The following RBPJ variants were observed in gnomAD, a reference collection of about 807,000 sequenced individuals.
The protein encoded by RBPJ is recombining binding protein suppressor of hairless.
A neutral mutation model predicts 67.8 loss-of-function variants in RBPJ; 9 were observed. The ratio of observed to expected loss-of-function variants is 0.13; its 90% CI spans 0.08 to 0.23. RBPJ has a LOEUF of 0.23. Among genes scored for constraint, RBPJ ranks in the 10% least tolerant of loss-of-function variants. The pLI is 1.00. For missense variants in RBPJ, 305 were observed against 595.6 expected, an observed-to-expected ratio of 0.51 and a Z score of 5.08; for synonymous variants, 198 against 203.3, an observed-to-expected ratio of 0.97 and a Z score of 0.22.
At chr4:26,195,745 C>A (rs542460237) in intron 1 of RBPJ, among the ~76,000 whole-genome samples, 8 of 151,498 alleles carry the variant, frequency 5.3e-5, no homozygotes, top group African/African-American at 1.7e-4. Flanking sequence ...CAGGCGCCCA[C>A]CACTACACCC....
upstream of RBPJ, among the ~76,000 whole-genome samples, chr4:26,318,688 G>A (rs1360403836): frequency 6.6e-6 from 1 of 152,002 alleles, no homozygotes. Context: ...AGGGCCAGCG[G>A]GTAGATTAGA....
At chr4:26,169,026 G>A (rs1716438297) in intron 1 of RBPJ, among the ~76,000 whole-genome samples, 1 of 152,160 alleles carries the variant, frequency 6.6e-6, no homozygotes, top group South Asian at 2.1e-4. Context: ...ATTTCCTCCT[G>A]TAGCTCGGAG....
intron 1 of RBPJ, among the ~76,000 whole-genome samples, chr4:26,329,508 T>C (rs1481073918): frequency 6.6e-6 from 1 of 152,184 alleles, no homozygotes; most frequent in African/African-American, 2.4e-5. Flanking sequence ...GCTATGAGCA[T>C]TTCACTTAAG....
intron 1 of RBPJ, among the ~76,000 whole-genome samples, chr4:26,245,203 A>ATTTTTTTTTT (rs869234645): frequency 1.0e-5 from 1 of 98,402 alleles, no homozygotes; most frequent in Non-Finnish European, 2.0e-5. Context: ...TCACTATTGT[A>ATTTTTTTTTT]TTTTTTTTTT....
At chr4:26,411,549 A>G (rs1039545302) in intron 3 of RBPJ, among the ~76,000 whole-genome samples, 17 of 141,896 alleles carry the variant, frequency 1.2e-4, no homozygotes, top group African/African-American at 4.2e-4. Flanking sequence ...TACTTCCATC[A>G]TGGCTTTTTG....
rs35148704 is a variant in RBPJ, at chr4:26,236,519, C to G, written c.-167+72905C>G. Among the ~76,000 whole-genome samples, 586 of 152,326 alleles carry G rather than the reference C, an allele frequency of 3.8e-3. 2 individuals carry two copies. Among genetic ancestry groups the G allele is most frequent in the Non-Finnish European group, 6.8e-3 (464 of 68,026 alleles). On this transcript the variant is annotated intron_variant, in intron 1 of 4. Coordinates refer to the RBPJ transcript ENST00000512351. ...GTGGAACCACTTCCAAGGTGGGGCA[C>G]TCACATTGGCTGACAAATTAGTTCC...
chr4:26,330,670 C>G (rs1480662431), intron 1 of RBPJ, among the ~76,000 whole-genome samples: 1 of 152,138 alleles, frequency 6.6e-6, no homozygotes, highest in Non-Finnish European at 1.5e-5. Flanking sequence ...TCTCAATGTG[C>G]TTAAAGTGAG....
chr4:26,278,734 T>G (rs1721160458), intron 1 of RBPJ, among the ~76,000 whole-genome samples: 1 of 149,626 alleles, frequency 6.7e-6, no homozygotes, highest in African/African-American at 2.6e-5. Context: ...TTTACAAGTC[T>G]TTATAATTTT....
Position 26,266,414 on chromosome 4 carries a change from A to G in RBPJ, c.-166-96032A>G, listed in dbSNP as rs192568802. Among the ~76,000 whole-genome samples the G allele has an allele frequency of 1.3e-3, 203 of 152,338 alleles. 2 individuals carry two copies. The highest frequency in any genetic ancestry group is 7.2e-4 in the Non-Finnish European group (49 of 68,026). ...TATTAATACATGCTAGGTTTGATGAATAAGTAGACTGTTATGGAGAAATAG... is the reference window on the plus strand; with the variant it reads ...TATTAATACATGCTAGGTTTGATGAGTAAGTAGACTGTTATGGAGAAATAG... On this transcript the variant is annotated intron_variant, in intron 1 of 4. Coordinates refer to the RBPJ transcript ENST00000512351.
chr4:26,266,786 G>C (rs900089802), intron 1 of RBPJ, among the ~76,000 whole-genome samples: 4 of 152,170 alleles, frequency 2.6e-5, no homozygotes, highest in Admixed American at 2.0e-4. Context: ...ATTTAGGAGA[G>C]AGCTGGGTTC....
chr4:26,263,909 C>T (rs1402571585), intron 1 of RBPJ, among the ~76,000 whole-genome samples: 2 of 148,136 alleles, frequency 1.4e-5, no homozygotes, highest in African/African-American at 5.0e-5. Context: ...GAGTCTCGCT[C>T]TGTCCCCCAG....
rs748837458 is a variant in RBPJ, at chr4:26,434,742, G to T, written c.*3735G>T. ...GCTCTACGCATTCAGTCCTTAAGGG[G>T]TTTATTTTACAAACTGTGCGCCTGT... On this transcript the variant is annotated 3_prime_UTR_variant, in exon 11 of 11. Coordinates refer to ENST00000355476, the MANE Select transcript of RBPJ (RefSeq NM_015874.6). The T allele has an allele frequency of 3.3e-5, 5 of 152,116 alleles. No homozygotes were observed. Among genetic ancestry groups the T allele is most frequent in the African/African-American group, 4.8e-5 (2 of 41,408 alleles). 9.4% of individuals were successfully genotyped at this position (152,116 alleles called of 1,614,324 possible).
intron 1 of RBPJ, among the ~76,000 whole-genome samples, chr4:26,174,856 C>T (rs1217516957): frequency 6.6e-6 from 1 of 152,002 alleles, no homozygotes; most frequent in East Asian, 1.9e-4. Flanking sequence ...TATATGTACA[C>T]ATATATATGT....
At chr4:26,192,108 A>G (rs1279998187) in intron 1 of RBPJ, among the ~76,000 whole-genome samples, 3 of 151,270 alleles carry the variant, frequency 2.0e-5, no homozygotes, top group Non-Finnish European at 4.4e-5. Context: ...TCCCAGGTTC[A>G]AGTGATTCTC....
chr4:26,325,896 G>C (rs1723580367), intron 1 of RBPJ, among the ~76,000 whole-genome samples: 1 of 152,266 alleles, frequency 6.6e-6, no homozygotes, highest in South Asian at 2.1e-4. Context: ...GTGCCTGGCT[G>C]TATAAATACT....
chr4:26,291,358 G>T (rs1275759162), intron 1 of RBPJ, among the ~76,000 whole-genome samples: 2 of 122,204 alleles, frequency 1.6e-5, no homozygotes, highest in African/African-American at 5.0e-5. Flanking sequence ...CAAAATTTGG[G>T]AAAGTACTGA....
chr4:26,231,769 G>A (rs1403300041), intron 1 of RBPJ, among the ~76,000 whole-genome samples: 2 of 151,660 alleles, frequency 1.3e-5, no homozygotes, highest in Non-Finnish European at 2.9e-5. Flanking sequence ...GGATGGTCTC[G>A]AACTCGTGAC....
intron 1 of RBPJ, among the ~76,000 whole-genome samples, chr4:26,192,639 G>T (rs1378401637): frequency 6.6e-6 from 1 of 152,190 alleles, no homozygotes; most frequent in Non-Finnish European, 1.5e-5. Context: ...GCTGGATGAG[G>T]AAGTGAACAG....
At chr4:26,353,660 G>A (rs182043557) in intron 1 of RBPJ, among the ~76,000 whole-genome samples, 134 of 145,352 alleles carry the variant, frequency 9.2e-4, no homozygotes, top group Non-Finnish European at 1.3e-3. Flanking sequence ...CCAAGCTGGT[G>A]TGTAGTGGTG....
Sources: allele counts gnomAD v4.1 joint callset (sites outside exome capture counted in the v4.1 genomes callset), GRCh38; gene constraint gnomAD v4.1.1; transcripts MANE v1.5; gene names NCBI Gene and HGNC (gene_info 2026-07-23, HGNC 2026-07-21).